The following MEGF10 variants were observed in gnomAD, a reference collection of about 807,000 sequenced individuals.
MEGF10 encodes the protein multiple EGF like domains 10, also known as multiple epidermal growth factor-like domains protein 10.
Under a neutral mutation model 147.5 loss-of-function variants are expected in MEGF10, and 86 were observed. The observed-to-expected ratio is 0.58, with a 90% CI of 0.49 to 0.70. The LOEUF (loss-of-function observed/expected upper bound fraction) is 0.70. Among genes scored for constraint, MEGF10 ranks in the 30% least tolerant of loss-of-function variants. MEGF10 has a pLI of 0.00. For missense variants in MEGF10, 1,329 were observed against 1,487.3 expected, an observed-to-expected ratio of 0.89 and a Z score of 1.75; for synonymous variants, 478 against 525.5, an observed-to-expected ratio of 0.91 and a Z score of 1.24.
chr5:127,264,580 G>A, the MEGF10 span, among the ~76,000 whole-genome samples: 1 of 152,056 alleles, frequency 6.6e-6, no homozygotes, highest in Admixed American at 6.6e-5. Context: ...TCTTCGTTCT[G>A]CTTTTCTCTA....
At chr5:127,378,237 C>T (rs887184597) in intron 5 of MEGF10, among the ~76,000 whole-genome samples, 1 of 152,178 alleles carries the variant, frequency 6.6e-6, no homozygotes, top group Non-Finnish European at 1.5e-5. Flanking sequence ...CTATTATACT[C>T]ATAGGCTTGT....
intron 8 of MEGF10, among the ~76,000 whole-genome samples, chr5:127,404,060 C>T (rs1338689525): frequency 6.6e-6 from 1 of 152,196 alleles, no homozygotes; most frequent in Non-Finnish European, 1.5e-5. Context: ...TTCCCACTCA[C>T]AGTGTACAAG....
chr5:127,274,441 C>G, the MEGF10 span, among the ~76,000 whole-genome samples: 2 of 151,934 alleles, frequency 1.3e-5, no homozygotes, highest in Non-Finnish European at 2.9e-5. Flanking sequence ...TTTTGGAGAT[C>G]TATGCTGAAG....
chr5:127,278,088 T>C, the MEGF10 span, among the ~76,000 whole-genome samples: 1 of 152,068 alleles, frequency 6.6e-6, no homozygotes, highest in Non-Finnish European at 1.5e-5. Context: ...ATGGAGTTAT[T>C]GTAGCTAGAA....
chr5:127,265,317 C>G, the MEGF10 span, among the ~76,000 whole-genome samples: 1 of 152,144 alleles, frequency 6.6e-6, no homozygotes, highest in Non-Finnish European at 1.5e-5. Context: ...TCCAGTCTAT[C>G]ATTGATGGAC....
At chr5:127,282,579 A>G in the MEGF10 span, among the ~76,000 whole-genome samples, 5,924 of 152,332 alleles carry the variant, frequency 0.039, 188 homozygotes, top group Non-Finnish European at 0.063. Flanking sequence ...CTTAGAATCT[A>G]TTGCATTGGT....
At chr5:127,327,738 G>A (rs1448171142) in intron 1 of MEGF10, among the ~76,000 whole-genome samples, 2 of 137,102 alleles carry the variant, frequency 1.5e-5, no homozygotes, top group African/African-American at 5.5e-5. Context: ...TTTTGAGATA[G>A]AGTTTCACTC....
intron 5 of MEGF10, among the ~76,000 whole-genome samples, chr5:127,382,798 G>C (rs1763306101): frequency 6.6e-6 from 1 of 152,198 alleles, no homozygotes; most frequent in Non-Finnish European, 1.5e-5. Context: ...GGTAGGATAA[G>C]GTAATTCAGA....
chr5:127,254,304 T>C, the MEGF10 span, among the ~76,000 whole-genome samples: 3 of 152,178 alleles, frequency 2.0e-5, no homozygotes, highest in Non-Finnish European at 2.9e-5. Context: ...CTTCTTTGGT[T>C]CTATTCATAT....
the MEGF10 span, among the ~76,000 whole-genome samples, chr5:127,232,822 G>A: frequency 6.6e-6 from 1 of 152,004 alleles, no homozygotes; most frequent in South Asian, 2.1e-4. Context: ...CACAGAGGCA[G>A]GAAAGCATTG....
At chr5:127,435,613 T>G (rs571301094) in intron 16 of MEGF10, 124 bp downstream of exon 16, 1 of 974,066 alleles carries the variant, frequency 1.0e-6, no homozygotes. Context: ...AAAAGACACA[T>G]TCTACTTTAA....
chr5:127,356,831 C>T (rs1377041435), intron 4 of MEGF10, among the ~76,000 whole-genome samples: 2 of 152,126 alleles, frequency 1.3e-5, no homozygotes, highest in Non-Finnish European at 2.9e-5. Flanking sequence ...TGTTGGATCC[C>T]ATTTCTTGAA....
the MEGF10 span, among the ~76,000 whole-genome samples, chr5:127,255,016 G>C: frequency 1.5e-4 from 23 of 151,662 alleles, no homozygotes; most frequent in East Asian, 4.5e-3. Context: ...GCTATGGTTT[G>C]TATGGATAAT....
At chr5:127,257,358 G>C in the MEGF10 span, among the ~76,000 whole-genome samples, 1 of 148,254 alleles carries the variant, frequency 6.7e-6, no homozygotes, top group East Asian at 2.0e-4. Context: ...ATTCCAGAGA[G>C]AATCCCTCCT....
intron 13 of MEGF10, among the ~76,000 whole-genome samples, chr5:127,427,635 C>G (rs1765246838): frequency 6.6e-6 from 1 of 152,108 alleles, no homozygotes; most frequent in African/African-American, 2.4e-5. Context: ...AAGGAAAGCT[C>G]TCCTTTCCAT....
At chr5:127,271,408 T>C in the MEGF10 span, among the ~76,000 whole-genome samples, 1 of 152,172 alleles carries the variant, frequency 6.6e-6, no homozygotes, top group Non-Finnish European at 1.5e-5. Context: ...AGTGGGGTTT[T>C]TTTTTTCTTA....
chr5:127,399,618 G>A (rs2126928549), intron 7 of MEGF10, among the ~76,000 whole-genome samples: 1 of 152,086 alleles, frequency 6.6e-6, no homozygotes, highest in South Asian at 2.1e-4. Flanking sequence ...AGGTTACAAG[G>A]GACTTAATTA....
At chr5:127,389,029 A>G (rs1763546014) in intron 5 of MEGF10, among the ~76,000 whole-genome samples, 1 of 152,212 alleles carries the variant, frequency 6.6e-6, no homozygotes, top group African/African-American at 2.4e-5. Context: ...TAATGGTGGA[A>G]TATTATACTT....
chr5:127,369,655 C>T (rs1289462577), intron 4 of MEGF10, among the ~76,000 whole-genome samples: 2 of 152,092 alleles, frequency 1.3e-5, no homozygotes, highest in Non-Finnish European at 2.9e-5. Flanking sequence ...TTCCTTGAAA[C>T]TTCTTTTCTA....
Sources: allele counts gnomAD v4.1 joint callset (sites outside exome capture counted in the v4.1 genomes callset), GRCh38; gene constraint gnomAD v4.1.1; transcripts MANE v1.5; gene names NCBI Gene and HGNC (gene_info 2026-07-23, HGNC 2026-07-21).